Variants in ARSI observed in about 807,000 individuals in gnomAD.
The protein encoded by ARSI is arylsulfatase family member I.
In ARSI, 37 loss-of-function variants were observed where a neutral mutation model predicts 42.1. The observed-to-expected ratio is 0.88, with a 90% CI of 0.68 to 1.16. ARSI has a LOEUF of 1.16. ARSI is among the 50% of genes most tolerant of loss of function. The pLI, the probability that ARSI is intolerant of heterozygous loss-of-function variation, is 0.00. For missense variants in ARSI, 725 were observed against 790.1 expected, an observed-to-expected ratio of 0.92 and a Z score of 0.99; for synonymous variants, 305 against 320.3, an observed-to-expected ratio of 0.95 and a Z score of 0.51.
chr5:150,302,584 C>G lies in ARSI; in HGVS notation c.-211G>C. The G allele has an allele frequency of 2.5e-6, 1 of 393,018 alleles. No individual in the cohort carries two copies. The highest frequency in any genetic ancestry group is 3.9e-5 in the East Asian group (1 of 25,652). The allele number at this position is 393,018 out of a possible 1,614,324, so 24.3% of individuals were successfully genotyped here. On this transcript the variant is annotated 5_prime_UTR_variant, in exon 1 of 2. Coordinates refer to ENST00000328668, the MANE Select transcript of ARSI (RefSeq NM_001012301.4). This position sits in a 1 kb window ranked among gnomAD's most constrained non-coding sequence, Gnocchi z 6.1. ...CGGGGCGCTCTGGGGAGGTCAGGCC[C>G]GCGCCGAGCTGCCTCCCGCTGCCTA... is the stretch of plus-strand genomic sequence containing the variant.
At position 150,300,856 on chromosome 5, in the gene ARSI, T is replaced by G. The variant is rs139564963; in HGVS notation, c.311+1207A>C. On this transcript the variant is annotated intron_variant, in intron 1 of 1. Coordinates refer to ENST00000328668, the MANE Select transcript of ARSI (RefSeq NM_001012301.4). ...CTTGGGAATGCAGACTCCTCCACCC[T>G]CTTCTGCAGGTCAACATTGGTCTTC... 5.6e-3 allele frequency among the ~76,000 whole-genome samples: 858 copies of G among 152,306 alleles called. 5 individuals carry two copies. The highest frequency in any genetic ancestry group is 0.02 in the African/African-American group (815 of 41,562).
chr5:150,297,797 G>A lies in ARSI; in HGVS notation c.1127C>T (p.Ala376Val). 5 of 1,604,856 alleles carry A rather than the reference G, an allele frequency of 3.1e-6. No homozygotes were observed. The highest frequency in any genetic ancestry group is 8.5e-7 in the Non-Finnish European group (1 of 1,174,776). Reference protein sequence around the residue: ...DGLDGYDVWPAISEGRASPRT... With the variant: ...DGLDGYDVWPVISEGRASPRT... ...TGGTGAGGCCCGGCCCTCGCTGATG[G>A]CCGGCCACACGTCGTAGCCATCTAG... is the stretch of plus-strand genomic sequence containing the variant. The change falls in exon 2 of 2, where the codon GCC (alanine) becomes GTC (valine). Residue 376 changes from alanine to valine, a missense_variant. Coordinates refer to ENST00000328668, the MANE Select transcript of ARSI (RefSeq NM_001012301.4). This position sits in a 1 kb window ranked among gnomAD's most constrained non-coding sequence, Gnocchi z 7.0.
chr5:150,297,706 G>A lies in ARSI; in HGVS notation c.1218C>T (p.Gly406=), dbSNP rs776305765. Residue 406 remains glycine (G), a synonymous_variant, in exon 2 of 2, where the codon GGC becomes GGT. Coordinates refer to ENST00000328668, the MANE Select transcript of ARSI (RefSeq NM_001012301.4). This position sits in a 1 kb window ranked among gnomAD's most constrained non-coding sequence, Gnocchi z 7.0. ...CGGCGGTGTTCCAGATGCCAAAGCC[G>A]CCCTCCAGGGAGCCATGCTGGGCAT... ...YNHAQHGSLE[G]GFGIWNTAVQ... 15 of 1,613,236 alleles carry A rather than the reference G, an allele frequency of 9.3e-6. No homozygotes were observed. The highest frequency in any genetic ancestry group is 6.7e-5 in the Admixed American group (4 of 60,002).
In ARSI at chr5:150,302,248, A is replaced by G; in HGVS notation, c.126T>C (p.Ala42=). 4 of 1,611,906 alleles carry G rather than the reference A, an allele frequency of 2.5e-6. No homozygotes were observed. Among genetic ancestry groups the G allele is most frequent in the Non-Finnish European group, 3.4e-6 (4 of 1,179,568 alleles). ...AGATGATGTGGGGAGGCTGGGGCGG[A>G]GCGGCCGAGGGCTGCTCGCCAGCCT... ...PGEAGEQPSA[A]PPQPPHIIFI... Residue 42 remains alanine (A), a synonymous_variant, in exon 1 of 2, where the codon GCT becomes GCC. Transcript: ENST00000328668. The surrounding 1 kb of genome is among the most constrained non-coding windows in gnomAD (Gnocchi z 6.1).
At chr5:150,301,925 G>A in intron 1 of ARSI, 138 bp downstream of exon 1, 8 of 897,456 alleles carry the variant, frequency 8.9e-6, no homozygotes, top group South Asian at 7.2e-5. Flanking sequence ...TAGAGAGGGC[G>A]AGGGACTTAC....
rs764712006 is a variant in ARSI, at chr5:150,297,558, C to T, written c.1366G>A (p.Ala456Thr). ...PGSWWNLERM[A>T]SVRQAVWLFN... is the part of the protein sequence containing the mutation. ...AGCCACACGGCCTGGCGGACACTGG[C>T]CATTCGTTCCAGGTTCCACCAGCTA... The change falls in exon 2 of 2, where the codon GCC (alanine) becomes ACC (threonine). Residue 456 changes from alanine to threonine, a missense_variant. Ala to Thr is a moderately conservative substitution (Grantham distance 58, BLOSUM62 0). Coordinates refer to ENST00000328668, the MANE Select transcript of ARSI (RefSeq NM_001012301.4). The surrounding 1 kb of genome is among the most constrained non-coding windows in gnomAD (Gnocchi z 7.0). 1.2e-6 allele frequency: 2 copies of T among 1,611,926 alleles called. No homozygotes were observed. Among genetic ancestry groups the T allele is most frequent in the Non-Finnish European group, 8.5e-7 (1 of 1,179,368 alleles).
chr5:150,298,681 C>A lies in ARSI; in HGVS notation c.312-69G>T, dbSNP rs180688672. ...CAGACCATTGCTCTGGCCATCCAGT[C>A]CCCAGTACCACTGTGAGGTGGGCTG... is the stretch of plus-strand genomic sequence containing the variant. On this transcript the variant is annotated intron_variant, in intron 1 of 1. Transcript: ENST00000328668. The A allele has an allele frequency of 3.3e-4, 473 of 1,432,876 alleles. 3 individuals are homozygous for A. The African/African-American group carries it at 5.6e-3, about 17-fold the overall frequency. The allele number at this position is 1,432,876 out of a possible 1,614,324, so 88.8% of individuals were successfully genotyped here.
At position 150,298,157 on chromosome 5, in the gene ARSI, C is replaced by T. The variant is rs750097908; in HGVS notation, c.767G>A (p.Gly256Asp). The T allele has an allele frequency of 5.0e-6, 8 of 1,613,880 alleles. No homozygotes were observed. Among genetic ancestry groups the T allele is most frequent in the Non-Finnish European group, 6.8e-6 (8 of 1,180,046 alleles). The stretch of plus-strand genomic sequence containing the variant: ...CGCGTACTTCCGCCGGGCCACATTG[C>T]CCATGGTGCGGTAGCGGTACAGGTA... Reference protein sequence around the residue: ...REYLYRYRTMGNVARRKYAAM... With the variant: ...REYLYRYRTMDNVARRKYAAM... Residue 256 changes from glycine to aspartate, a missense_variant, in exon 2 of 2, where the codon GGC (glycine) becomes GAC (aspartate). Gly to Asp is a moderately conservative substitution (Grantham distance 94). Transcript: ENST00000328668.
At position 150,297,284 on chromosome 5, in the gene ARSI, T is replaced by C; in HGVS notation, c.1640A>G (p.Lys547Arg). 1 of 1,608,430 alleles carries C rather than the reference T, an allele frequency of 6.2e-7. No homozygotes were observed. The highest frequency in any genetic ancestry group is 1.3e-5 in the African/African-American group (1 of 74,662). ...GGATCGAAGCTTGCAAATCTTGCAT[T>C]TTTTCTTGCGACGACCCCGGGAGAA... ...RSFSRGRRKK[K>R]CKICKLRSFF... is the part of the protein sequence containing the mutation. The change falls in exon 2 of 2, where the codon AAA (lysine) becomes AGA (arginine). Residue 547 changes from lysine to arginine, a missense_variant. Physicochemically the swap from Lys to Arg is conservative, Grantham distance 26. Coordinates refer to ENST00000328668, the MANE Select transcript of ARSI (RefSeq NM_001012301.4). This position sits in a 1 kb window ranked among gnomAD's most constrained non-coding sequence, Gnocchi z 7.0.
Position 150,297,523 on chromosome 5 carries a change from G to T in ARSI, c.1401C>A (p.Ile467=), listed in dbSNP as rs377341573. Residue 467 remains isoleucine, a synonymous_variant, in exon 2 of 2, where the codon ATC becomes ATA. Transcript: ENST00000328668. This position sits in a 1 kb window ranked among gnomAD's most constrained non-coding sequence, Gnocchi z 7.0. The stretch of plus-strand genomic sequence containing the variant: ...CCTCCCGTTCATAAGGGTCAGCACT[G>T]ATGTTGAAGAGCCACACGGCCTGGC... ...SVRQAVWLFN[I]SADPYEREDL... is the part of the protein sequence containing the mutation. The T allele has an allele frequency of 3.7e-6, 6 of 1,613,620 alleles. No homozygotes were observed. Among genetic ancestry groups the T allele is most frequent in the Admixed American group, 1.7e-5 (1 of 59,992 alleles).
At position 150,297,750 on chromosome 5, in the gene ARSI, T is replaced by C. The variant is rs1757838149; in HGVS notation, c.1174A>G (p.Ile392Val). The change falls in exon 2 of 2, where the codon ATT (isoleucine) becomes GTT (valine). Residue 392 changes from isoleucine (I) to valine (V), a missense_variant. Ile to Val is a conservative substitution (Grantham distance 29). Coordinates refer to ENST00000328668, the MANE Select transcript of ARSI (RefSeq NM_001012301.4). This position sits in a 1 kb window ranked among gnomAD's most constrained non-coding sequence, Gnocchi z 7.0. ...ASPRTEILHN[I>V]DPLYNHAQHG... ...TGGGCATGGTTGTAGAGTGGGTCAA[T>C]GTTGTGCAGGATCTCCGTGCGTGGT... 3 of 1,611,492 alleles carry C rather than the reference T, an allele frequency of 1.9e-6. 1 individual carries two copies. The highest frequency in any genetic ancestry group is 2.2e-5 in the South Asian group (2 of 90,896).
At position 150,297,953 on chromosome 5, in the gene ARSI, C is replaced by T. The variant is rs147972506; in HGVS notation, c.971G>A (p.Arg324Gln). ...GGGACTGTGGACAAAGCCTAGGCCC[C>T]GCACGCCACCTTCCCAATAAGTGCC... ...RKGTYWEGGV[R>Q]GLGFVHSPLL... is the part of the protein sequence containing the mutation. Residue 324 changes from arginine to glutamine, a missense_variant, in exon 2 of 2, where the codon CGG (arginine) becomes CAG (glutamine). Arg to Gln is a conservative substitution (Grantham distance 43). Transcript: ENST00000328668. This position sits in a 1 kb window ranked among gnomAD's most constrained non-coding sequence, Gnocchi z 7.0. 8.7e-6 allele frequency: 14 copies of T among 1,611,464 alleles called. No homozygotes were observed. The highest frequency in any genetic ancestry group is 4.0e-5 in the African/African-American group (3 of 74,904).
chr5:150,301,364 G>A (rs761697132), intron 1 of ARSI, among the ~76,000 whole-genome samples: 6 of 152,104 alleles, frequency 3.9e-5, no homozygotes, highest in Non-Finnish European at 8.8e-5. Context: ...CTGCTGCCTC[G>A]CCTGTGGACA....
intron 1 of ARSI, among the ~76,000 whole-genome samples, chr5:150,301,764 C>T (rs566370332): frequency 6.6e-6 from 1 of 152,196 alleles, no homozygotes; most frequent in East Asian, 1.9e-4. Flanking sequence ...ATAGAAGCAG[C>T]AGTAAATGTC....
In ARSI at chr5:150,302,765, C is replaced by T. The variant is rs1757946492; in HGVS notation, c.-392G>A. 6.1e-6 allele frequency: 1 copy of T among 163,322 alleles called. No homozygotes were observed. Among genetic ancestry groups the T allele is most frequent in the Non-Finnish European group, 1.3e-5 (1 of 76,254 alleles). The allele number at this position is 163,322 out of a possible 1,614,324, so 10.1% of individuals were successfully genotyped here. On this transcript the variant is annotated 5_prime_UTR_variant, in exon 1 of 2. Transcript: ENST00000328668. This position sits in a 1 kb window ranked among gnomAD's most constrained non-coding sequence, Gnocchi z 6.1. ...TTCTCCCGCCTCCTAATTTCTCTCT[C>T]CTCTGCTTTCCCGGCCTCTCGCCCC...
rs771643080 is a variant in ARSI, at chr5:150,297,350, C to T, written c.1574G>A (p.Ser525Asn). ...TTCCTCTTCCTCCTCTTCCTCATCA[C>T]TGGCCCAGGGCCCCCAAGCACCCCC... ...FNGGAWGPWA[S>N]DEEEEEEEGR... Residue 525 changes from serine (S) to asparagine (N), a missense_variant, in exon 2 of 2, where the codon AGT becomes AAT. Coordinates refer to ENST00000328668, the MANE Select transcript of ARSI (RefSeq NM_001012301.4). This position sits in a 1 kb window ranked among gnomAD's most constrained non-coding sequence, Gnocchi z 7.0. 1.5e-5 allele frequency: 24 copies of T among 1,613,676 alleles called. 1 individual carries two copies. The highest frequency in any genetic ancestry group is 2.0e-5 in the Non-Finnish European group (24 of 1,179,832).
chr5:150,302,305 G>C lies in ARSI; in HGVS notation c.69C>G (p.Ala23=). ...GCCCGTCGGCCACGAAGCTCGGCTT[G>C]GCCCAGTCCCAGGACAGGTAGCCGA... ...LSFGYLSWDW[A]KPSFVADGPG... Residue 23 remains alanine, a synonymous_variant, in exon 1 of 2, where the codon GCC becomes GCG. Coordinates refer to ENST00000328668, the MANE Select transcript of ARSI (RefSeq NM_001012301.4). The surrounding 1 kb of genome is among the most constrained non-coding windows in gnomAD (Gnocchi z 6.1). 1 of 1,599,538 alleles carries C rather than the reference G, an allele frequency of 6.3e-7. No homozygotes were observed. Among genetic ancestry groups the C allele is most frequent in the Non-Finnish European group, 8.5e-7 (1 of 1,174,104 alleles).
In ARSI at chr5:150,302,013, G is replaced by A; in HGVS notation, c.311+50C>T. The A allele has an allele frequency of 6.7e-7, 1 of 1,503,220 alleles. No homozygotes were observed. Among genetic ancestry groups the A allele is most frequent in the Non-Finnish European group, 8.9e-7 (1 of 1,121,512 alleles). The allele number at this position is 1,503,220 out of a possible 1,614,324, so 93.1% of individuals were successfully genotyped here. A position where few individuals can be genotyped will look rare whatever the true frequency, so the allele number is the denominator to read the frequency against. On this transcript the variant is annotated intron_variant, in intron 1 of 1. Transcript: ENST00000328668. This position sits in a 1 kb window ranked among gnomAD's most constrained non-coding sequence, Gnocchi z 6.1. ...CTGGCAGGAGAAATCTATCAACTGG[G>A]TTGATTTGGGGTTTAGATGCCCAGC...
Position 150,297,682 on chromosome 5 carries a change from G to C in ARSI, c.1242C>G (p.Ala414=), listed in dbSNP as rs148519839. 6.2e-7 allele frequency: 1 copy of C among 1,613,460 alleles called. No homozygotes were observed. Among genetic ancestry groups the C allele is most frequent in the African/African-American group, 1.3e-5 (1 of 75,064 alleles). ...CACCCACGCGGATGGCAGCCTGCAC[G>C]GCGGTGTTCCAGATGCCAAAGCCGC... ...LEGGFGIWNT[A]VQAAIRVGEW... Residue 414 remains alanine, a synonymous_variant, in exon 2 of 2, where the codon GCC becomes GCG. Coordinates refer to ENST00000328668, the MANE Select transcript of ARSI (RefSeq NM_001012301.4). The surrounding 1 kb of genome is among the most constrained non-coding windows in gnomAD (Gnocchi z 7.0).
Sources: allele counts gnomAD v4.1 joint callset (sites outside exome capture counted in the v4.1 genomes callset), GRCh38; gene constraint gnomAD v4.1.1; non-coding constraint Gnocchi (gnomAD v3.1); transcripts MANE v1.5; gene names NCBI Gene and HGNC (gene_info 2026-07-23, HGNC 2026-07-21).